The following TBL1X variants were observed in gnomAD, a reference collection of about 807,000 sequenced individuals.
TBL1X encodes transducin beta like 1 X-linked.
In TBL1X, 10 loss-of-function variants were observed where a neutral mutation model predicts 50.7. The observed-to-expected ratio is 0.20, with a 90% CI of 0.12 to 0.33. The LOEUF (loss-of-function observed/expected upper bound fraction) is 0.33. TBL1X is among the 10% of genes least tolerant of loss of function. The pLI is 1.00. For synonymous variants in TBL1X, 190 were observed against 214.7 expected (o/e 0.88, Z 1.01); for missense variants, 340 against 504.4 (o/e 0.67, Z 3.12).
intron 2 of TBL1X, among the ~76,000 whole-genome samples, chrX:9,505,217 C>T (rs1161435835): frequency 1.8e-5 from 2 of 110,041 alleles, no homozygotes; most frequent in Admixed American, 9.7e-5. Context: ...ACTAAGCTTT[C>T]TATAAAATCC....
intron 5 of TBL1X, among the ~76,000 whole-genome samples, chrX:9,662,413 C>T (rs981262807): frequency 1.8e-5 from 2 of 111,791 alleles, no homozygotes; most frequent in Non-Finnish European, 1.9e-5. Context: ...ACACAGGCTC[C>T]AGCACGGATG....
chrX:9,686,000 G>A (rs186073963), intron 6 of TBL1X, among the ~76,000 whole-genome samples: 1 of 111,695 alleles, frequency 9.0e-6, no homozygotes, highest in East Asian at 2.8e-4. Flanking sequence ...GAGTACAGGC[G>A]TGAGCCACTG....
At chrX:9,620,420 G>C (rs1013742946) in intron 2 of TBL1X, among the ~76,000 whole-genome samples, 20 of 112,661 alleles carry the variant, frequency 1.8e-4, no homozygotes, top group African/African-American at 6.5e-4. Flanking sequence ...GAGCTTGCCT[G>C]TTACTTGGGA....
At chrX:9,593,433 C>T (rs1204953888) in intron 2 of TBL1X, among the ~76,000 whole-genome samples, 1 of 110,084 alleles carries the variant, frequency 9.1e-6, no homozygotes, top group Non-Finnish European at 1.9e-5. Flanking sequence ...TAATAAGGTT[C>T]ACCTGATTGA....
chrX:9,609,539 T>C (rs2146557190), intron 2 of TBL1X, among the ~76,000 whole-genome samples: 1 of 111,290 alleles, frequency 9.0e-6, no homozygotes, highest in South Asian at 3.8e-4. Flanking sequence ...TGCATCTCTT[T>C]CATGAAGTAC....
At chrX:9,680,530 G>A (rs1392880208) in intron 5 of TBL1X, among the ~76,000 whole-genome samples, 1 of 111,229 alleles carries the variant, frequency 9.0e-6, no homozygotes, top group Non-Finnish European at 1.9e-5. Flanking sequence ...GCAGAACGAG[G>A]ACAGAACCCA....
At chrX:9,592,161 C>T (rs1297498465) in intron 2 of TBL1X, among the ~76,000 whole-genome samples, 1 of 112,035 alleles carries the variant, frequency 8.9e-6, no homozygotes, top group Non-Finnish European at 1.9e-5. Flanking sequence ...GGCTTCTTGA[C>T]GTTTATCATT....
chrX:9,705,538 T>G (rs771603689), intron 13 of TBL1X, among the ~76,000 whole-genome samples: 1 of 110,613 alleles, frequency 9.0e-6, no homozygotes, highest in Non-Finnish European at 1.9e-5. Flanking sequence ...GAGGATTGCT[T>G]GAGGCCAGGA....
At chrX:9,670,060 C>T (rs1398261264) in intron 5 of TBL1X, among the ~76,000 whole-genome samples, 4 of 111,777 alleles carry the variant, frequency 3.6e-5, no homozygotes, top group Non-Finnish European at 5.6e-5. Context: ...TGAAAGGCTA[C>T]CAAATTAGGA....
rs1264755769 is a variant in TBL1X at position 9,465,066 on chromosome X, G to A, written c.-582G>A. ...TCCTGGCTGGGGTCCGCGCGCTCGC[G>A]GCAGCTCCCCGTGGAGGTCACTGTC... On this transcript the variant is annotated 5_prime_UTR_variant, in exon 1 of 18. Coordinates refer to ENST00000645353, the MANE Select transcript of TBL1X (RefSeq NM_005647.4). The A allele has an allele frequency of 9.2e-6, 1 of 108,925 alleles. No homozygotes were observed. Among genetic ancestry groups the A allele is most frequent in the East Asian group, 3.0e-4 (1 of 3,311 alleles). The allele number at this position is 108,925 out of a possible 1,213,427, so 9.0% of individuals were successfully genotyped here. A position where few individuals can be genotyped will look rare whatever the true frequency, so the allele number is the denominator to read the frequency against.
At chrX:9,587,606 C>G (rs751801502) in intron 2 of TBL1X, among the ~76,000 whole-genome samples, 2 of 111,528 alleles carry the variant, frequency 1.8e-5, no homozygotes, top group Non-Finnish European at 3.8e-5. Flanking sequence ...CCACAGACAT[C>G]AAGATAAATT....
intron 2 of TBL1X, among the ~76,000 whole-genome samples, chrX:9,554,227 C>A (rs760140982): frequency 2.7e-5 from 3 of 112,341 alleles, no homozygotes; most frequent in Non-Finnish European, 3.8e-5. Context: ...AGCTTTTTGT[C>A]CTATGTGACA....
chrX:9,534,809 C>G (rs905634687), intron 2 of TBL1X: 1 of 111,261 alleles, frequency 9.0e-6, no homozygotes, highest in Non-Finnish European at 1.9e-5. Flanking sequence ...TTGTCAGCTG[C>G]AGTTGTCCAG....
chrX:9,664,737 A>G (rs1293461540), intron 5 of TBL1X, among the ~76,000 whole-genome samples: 1 of 111,568 alleles, frequency 9.0e-6, no homozygotes, highest in African/African-American at 3.3e-5. Flanking sequence ...GATGTTGTGA[A>G]TGGCCACAAC....
intron 2 of TBL1X, among the ~76,000 whole-genome samples, chrX:9,632,693 A>T (rs895386256): frequency 2.7e-5 from 3 of 112,164 alleles, no homozygotes; most frequent in African/African-American, 9.7e-5. Flanking sequence ...TTATTTTTAC[A>T]TATTTTTATA....
chrX:9,551,108 A>G (rs1345389955), intron 2 of TBL1X, among the ~76,000 whole-genome samples: 1 of 111,634 alleles, frequency 9.0e-6, no homozygotes. Flanking sequence ...ATACGTGTAC[A>G]TACACATGTA....
intron 1 of TBL1X, among the ~76,000 whole-genome samples, chrX:9,498,126 A>G: frequency 8.9e-6 from 1 of 111,742 alleles, no homozygotes; most frequent in Admixed American, 9.5e-5. Flanking sequence ...TTGTTCAAAT[A>G]ATGATTTGAT....
intron 2 of TBL1X, among the ~76,000 whole-genome samples, chrX:9,582,831 T>C (rs989995839): frequency 2.7e-5 from 3 of 112,537 alleles, no homozygotes; most frequent in African/African-American, 9.7e-5. Flanking sequence ...TTCAGAAGTA[T>C]ACAGAATATC....
At chrX:9,583,285 C>T (rs1389499561) in intron 2 of TBL1X, among the ~76,000 whole-genome samples, 4 of 112,200 alleles carry the variant, frequency 3.6e-5, no homozygotes, top group Non-Finnish European at 3.8e-5. Flanking sequence ...TGTTTAGAGC[C>T]CATGCAATAA....
Sources: gnomAD v4.1 joint callset for allele counts (sites outside exome capture counted in the v4.1 genomes callset) on GRCh38, gnomAD v4.1.1 for gene constraint, MANE v1.5 for transcripts, NCBI Gene and HGNC (gene_info 2026-07-23, HGNC 2026-07-21) for gene names.